The following ROBO1 variants were observed in gnomAD, a reference collection of about 807,000 sequenced individuals.
ROBO1 encodes roundabout guidance receptor 1.
A neutral mutation model predicts 195.9 loss-of-function variants in ROBO1; 149 were observed. The ratio of observed to expected loss-of-function variants is 0.76; its 90% CI spans 0.67 to 0.87. The LOEUF is 0.87. ROBO1 is among the 40% of genes least tolerant of loss of function. The pLI is 0.00. For missense variants in ROBO1, 1,933 were observed against 2,068.3 expected, an observed-to-expected ratio of 0.93 and a Z score of 1.27; for synonymous variants, 816 against 733.2, an observed-to-expected ratio of 1.11 and a Z score of -1.82.
At chr3:79,678,723 A>G (rs964718896) in intron 1 of ROBO1, among the ~76,000 whole-genome samples, 1 of 152,208 alleles carries the variant, frequency 6.6e-6, no homozygotes, top group Admixed American at 6.6e-5. Context: ...TTTCCAGTAC[A>G]TGGAAGAAAT....
chr3:79,197,662 A>C (rs554851118), intron 2 of ROBO1, among the ~76,000 whole-genome samples: 1 of 152,146 alleles, frequency 6.6e-6, no homozygotes, highest in Non-Finnish European at 1.5e-5. Flanking sequence ...CCAACAATGT[A>C]CAAGTGTTCC....
At chr3:79,530,755 CCACACACACACACACACACACACA>C (rs59568172) in intron 2 of ROBO1, among the ~76,000 whole-genome samples, 21 of 128,256 alleles carry the variant, frequency 1.6e-4, no homozygotes, top group African/African-American at 3.8e-4. Context: ...CACCTTGTAA[CCACACACACACACACACACACACA>C]CACACACACA....
chr3:78,834,841 A>G (rs941641424), intron 4 of ROBO1, among the ~76,000 whole-genome samples: 3 of 152,112 alleles, frequency 2.0e-5, no homozygotes, highest in Admixed American at 2.0e-4. Flanking sequence ...TAATACTACA[A>G]TCGTGTTGCA....
intron 4 of ROBO1, among the ~76,000 whole-genome samples, chr3:78,827,861 A>C (rs568839175): frequency 6.6e-5 from 10 of 152,284 alleles, no homozygotes; most frequent in African/African-American, 2.4e-4. Flanking sequence ...TTCTTTACCA[A>C]AGTCTACTAA....
At chr3:78,894,107 CA>C (rs1201708961) in intron 4 of ROBO1, among the ~76,000 whole-genome samples, 3 of 151,936 alleles carry the variant, frequency 2.0e-5, no homozygotes, top group Non-Finnish European at 2.9e-5. Context: ...CTTAAAAAGC[CA>C]AAAACCACAT....
chr3:79,115,414 TACA>T (rs1243716105), intron 3 of ROBO1, among the ~76,000 whole-genome samples: 3 of 152,146 alleles, frequency 2.0e-5, no homozygotes, highest in Non-Finnish European at 4.4e-5. Flanking sequence ...GGTGAACACT[TACA>T]AATAAATATT....
chr3:79,140,691 C>T (rs2080507230), intron 2 of ROBO1, among the ~76,000 whole-genome samples: 1 of 152,142 alleles, frequency 6.6e-6, no homozygotes, highest in African/African-American at 2.4e-5. Flanking sequence ...AACACACACT[C>T]TGTCTCTATG....
intron 7 of ROBO1, among the ~76,000 whole-genome samples, chr3:78,716,121 C>CA (rs2081896107): frequency 6.6e-6 from 1 of 152,144 alleles, no homozygotes; most frequent in Non-Finnish European, 1.5e-5. Flanking sequence ...ACATACTTTT[C>CA]AAGACATTAC....
At chr3:79,330,340 C>T (rs1353581015) in intron 2 of ROBO1, among the ~76,000 whole-genome samples, 1 of 147,720 alleles carries the variant, frequency 6.8e-6, no homozygotes, top group African/African-American at 2.5e-5. Flanking sequence ...AATAAAACAT[C>T]CCAACAATTC....
At chr3:79,112,781 G>A (rs1435517805) in intron 3 of ROBO1, among the ~76,000 whole-genome samples, 1 of 139,878 alleles carries the variant, frequency 7.1e-6, no homozygotes, top group African/African-American at 2.6e-5. Context: ...GGGGAGGGGG[G>A]AGGGATAGCA....
chr3:79,067,173 A>G (rs1384273984), intron 3 of ROBO1, among the ~76,000 whole-genome samples: 3 of 152,002 alleles, frequency 2.0e-5, no homozygotes, highest in East Asian at 1.9e-4. Flanking sequence ...TTACAAAGAT[A>G]TGTCTCATGA....
intron 10 of ROBO1, among the ~76,000 whole-genome samples, chr3:78,677,374 C>T (rs539735183): frequency 4.6e-5 from 7 of 152,228 alleles, no homozygotes; most frequent in Non-Finnish European, 1.0e-4. Flanking sequence ...AAGACACAGA[C>T]TGGCAAATTG....
intron 2 of ROBO1, among the ~76,000 whole-genome samples, chr3:79,145,376 C>T (rs973319365): frequency 3.5e-5 from 5 of 142,572 alleles, no homozygotes; most frequent in African/African-American, 1.2e-4. Flanking sequence ...CACACATACA[C>T]ACACACACAC....
chr3:78,837,529 G>A (rs2032844638), intron 4 of ROBO1, among the ~76,000 whole-genome samples: 1 of 151,992 alleles, frequency 6.6e-6, no homozygotes, highest in African/African-American at 2.4e-5. Flanking sequence ...AAAAAATGCT[G>A]TCAAAATTAT....
intron 2 of ROBO1, among the ~76,000 whole-genome samples, chr3:79,350,339 T>C (rs527338864): frequency 6.6e-6 from 1 of 152,310 alleles, no homozygotes; most frequent in Non-Finnish European, 1.5e-5. Context: ...CCTCACGCAT[T>C]GCTAGTTGGA....
At chr3:78,643,930 C>G (rs558227483) in intron 21 of ROBO1, among the ~76,000 whole-genome samples, 38 of 152,114 alleles carry the variant, frequency 2.5e-4, no homozygotes, top group African/African-American at 8.4e-4. Flanking sequence ...GTAATGGATA[C>G]AGGAGGTCCA....
At chr3:79,455,412 G>A (rs1238416242) in intron 2 of ROBO1, among the ~76,000 whole-genome samples, 1 of 151,986 alleles carries the variant, frequency 6.6e-6, no homozygotes, top group Admixed American at 6.6e-5. Flanking sequence ...GAAGTTAAAT[G>A]TCATAATTGT....
chr3:78,721,014 G>A (rs1159101770), intron 5 of ROBO1, among the ~76,000 whole-genome samples: 1 of 151,562 alleles, frequency 6.6e-6, no homozygotes, highest in Non-Finnish European at 1.5e-5. Flanking sequence ...GAGTTGATGG[G>A]TGCAGCACAC....
intron 26 of ROBO1, among the ~76,000 whole-genome samples, chr3:78,621,254 C>G (rs111589739): frequency 2.0e-5 from 3 of 151,976 alleles, no homozygotes; most frequent in Non-Finnish European, 4.4e-5. Context: ...AATAAAATAC[C>G]ACACTTAAAA....
Sources: allele counts gnomAD v4.1 joint callset (sites outside exome capture counted in the v4.1 genomes callset), GRCh38; gene constraint gnomAD v4.1.1; transcripts MANE v1.5; gene names NCBI Gene and HGNC (gene_info 2026-07-23, HGNC 2026-07-21).